ISCA2: variants seen among roughly 807,000 people sequenced by gnomAD.
ISCA2 encodes iron-sulfur cluster assembly 2 homolog, mitochondrial.
ISCA2 carries 21 observed loss-of-function variants against 19.1 expected under a neutral mutation model. The ratio of observed to expected loss-of-function variants is 1.10; its 90% confidence interval spans 0.78 to 1.59. ISCA2 has a LOEUF of 1.59. ISCA2 is among the 40% of genes most tolerant of loss of function. ISCA2 has a pLI of 0.00. For synonymous variants in ISCA2, 107 were observed against 83.8 expected, an observed-to-expected ratio of 1.28 and a Z score of -1.51; for missense variants, 181 against 191.7, an observed-to-expected ratio of 0.94 and a Z score of 0.33.
chr14:74,494,225 C>T, intron 2 of ISCA2, 50 bp from the exon 3 acceptor site: 1 of 1,591,390 alleles, frequency 6.3e-7, no homozygotes, highest in Non-Finnish European at 8.6e-7. Context: ...TTCACTCAGC[C>T]CTTTAACTCC....
Position 74,496,774 on chromosome 14 carries a change from G to C in ISCA2, c.*1774G>C, listed in dbSNP as rs1595232134. On this transcript the variant is annotated 3_prime_UTR_variant, in exon 4 of 4. Transcript: ENST00000556816. ...CAGTCCCTTAGAATGCAGCTTATAT[G>C]TGAGTATCTACTGTTAATGGGAGAA... The C allele has an allele frequency of 6.6e-6, 1 of 152,182 alleles. No homozygotes were observed. The highest frequency in any genetic ancestry group is 1.9e-4 in the East Asian group (1 of 5,202). The allele number at this position is 152,182 out of a possible 1,614,324, so 9.4% of individuals were successfully genotyped here. A position where few individuals can be genotyped will look rare whatever the true frequency, so the allele number is the denominator to read the frequency against.
intron 3 of ISCA2, 24 bp downstream of exon 3, chr14:74,494,414 C>T (rs1434178159): frequency 1.3e-6 from 2 of 1,544,676 alleles, no homozygotes; most frequent in African/African-American, 1.4e-5. Flanking sequence ...GGTGGGCCCC[C>T]AAAGGAGGTA....
intron 3 of ISCA2, 118 bp from the exon 4 acceptor site, chr14:74,494,708 A>C (rs2086826493): frequency 1.2e-6 from 1 of 832,142 alleles, no homozygotes; most frequent in African/African-American, 1.7e-5. Flanking sequence ...GCACCTGTTA[A>C]AGGTAATGGG....
At position 74,493,992 on chromosome 14, in the gene ISCA2, T is replaced by A; in HGVS notation, c.72-58T>A. 2 of 1,496,716 alleles carry A rather than the reference T, an allele frequency of 1.3e-6. No homozygotes were observed. Among genetic ancestry groups the A allele is most frequent in the Non-Finnish European group, 1.8e-6 (2 of 1,106,690 alleles). The allele number at this position is 1,496,716 out of a possible 1,614,324, so 92.7% of individuals were successfully genotyped here. A position where few individuals can be genotyped will look rare whatever the true frequency, so the allele number is the denominator to read the frequency against. On this transcript the variant is annotated intron_variant, in intron 1 of 3. Coordinates refer to ENST00000556816, the MANE Select transcript of ISCA2 (RefSeq NM_194279.4). The surrounding 1 kb of genome is among the most constrained non-coding windows in gnomAD (Gnocchi z 4.1). The stretch of plus-strand genomic sequence containing the variant: ...CAGGTTTAGCGTGAGGCGCTCCAGG[T>A]CGAGGGTTGCAAGGTGCCCCTTCTG...
chr14:74,495,084 C>G lies in ISCA2; in HGVS notation c.*84C>G. The G allele has an allele frequency of 1.0e-6, 1 of 977,160 alleles. No individual in the cohort carries two copies. The highest frequency in any genetic ancestry group is 1.6e-6 in the Non-Finnish European group (1 of 638,332). The allele number at this position is 977,160 out of a possible 1,614,324, so 60.5% of individuals were successfully genotyped here. ...TTAGTAGAATTCTAGAAGTTTACTTCTAATCATGTCCCTCTCAATTTTATT... is the reference window on the plus strand; with the variant it reads ...TTAGTAGAATTCTAGAAGTTTACTTGTAATCATGTCCCTCTCAATTTTATT... On this transcript the variant is annotated 3_prime_UTR_variant, in exon 4 of 4. Coordinates refer to ENST00000556816, the MANE Select transcript of ISCA2 (RefSeq NM_194279.4).
intron 3 of ISCA2, 70 bp from the exon 4 acceptor site, chr14:74,494,756 A>G (rs2086827454): frequency 4.5e-6 from 6 of 1,344,364 alleles, no homozygotes; most frequent in Non-Finnish European, 6.2e-6. Context: ...GAGGATGTGC[A>G]CCTCTGGGCT....
At position 74,494,124 on chromosome 14, in the gene ISCA2, A is replaced by T. The variant is rs1376030154; in HGVS notation, c.146A>T (p.Gln49Leu). The T allele has an allele frequency of 2.5e-6, 4 of 1,583,754 alleles. No homozygotes were observed. The highest frequency in any genetic ancestry group is 3.6e-5 in the Admixed American group (2 of 55,926). ...SSSSPEAGEG[Q>L]IRLTDSCVQR... Reference sequence around the variant, plus strand: ...TCCAGCCCCGAGGCCGGCGAAGGGCAGATCCGCCTCACAGACAGTTGCGTC... The same window carrying T: ...TCCAGCCCCGAGGCCGGCGAAGGGCTGATCCGCCTCACAGACAGTTGCGTC... Residue 49 changes from glutamine (Q) to leucine (L), a missense_variant, in exon 2 of 4, where the codon CAG (glutamine) becomes CTG (leucine). Gln to Leu is a moderately radical substitution (Grantham distance 113). Transcript: ENST00000556816.
At position 74,495,051 on chromosome 14, in the gene ISCA2, A is replaced by G. The variant is rs2086833323; in HGVS notation, c.*51A>G. The G allele has an allele frequency of 7.4e-7, 1 of 1,342,466 alleles. No individual in the cohort carries two copies. The highest frequency in any genetic ancestry group is 1.8e-5 in the Admixed American group (1 of 54,540). The allele number at this position is 1,342,466 out of a possible 1,614,324, so 83.2% of individuals were successfully genotyped here. ...GTCACCAGTTGTACCAATTTGAAGA[A>G]CCTGGAATTAGTAGAATTCTAGAAG... is the stretch of plus-strand genomic sequence containing the variant. On this transcript the variant is annotated 3_prime_UTR_variant, in exon 4 of 4. Coordinates refer to ENST00000556816, the MANE Select transcript of ISCA2 (RefSeq NM_194279.4).
At position 74,493,844 on chromosome 14, in the gene ISCA2, A is replaced by G; in HGVS notation, c.70A>G (p.Arg24Gly). The change falls in exon 1 of 4, where the codon AGG (arginine) becomes GGG (glycine). Residue 24 changes from arginine to glycine, a missense_variant and splice_region_variant. Transcript: ENST00000556816. The surrounding 1 kb of genome is among the most constrained non-coding windows in gnomAD (Gnocchi z 4.1). ...QRAVTPWPRG[R>G]LLTASLGPQA... ...AGCGGTCACTCCCTGGCCGAGGGGC[A>G]GGTACCAAGACTAGAAAGGCACCTG... 5 of 1,559,240 alleles carry G rather than the reference A, an allele frequency of 3.2e-6. No individual in the cohort carries two copies. The highest frequency in any genetic ancestry group is 4.3e-6 in the Non-Finnish European group (5 of 1,151,684).
chr14:74,494,677 A>G, intron 3 of ISCA2, 149 bp from the exon 4 acceptor site: 1 of 670,464 alleles, frequency 1.5e-6, no homozygotes, highest in Non-Finnish European at 2.5e-6. Context: ...CCATTGAATC[A>G]TTTTGCCTCA....
At position 74,494,037 on chromosome 14, in the gene ISCA2, C is replaced by T. The variant is rs964577345; in HGVS notation, c.72-13C>T. 2 of 1,533,602 alleles carry T rather than the reference C, an allele frequency of 1.3e-6. No homozygotes were observed. The highest frequency in any genetic ancestry group is 1.4e-5 in the African/African-American group (1 of 72,896). The allele number at this position is 1,533,602 out of a possible 1,614,324, so 95.0% of individuals were successfully genotyped here. ...CTTCTGCTCCCGGGCTCACCCTCCT[C>T]CCTTGCGCGCAGGCTCCTCACGGCC... On this transcript the variant is annotated splice_polypyrimidine_tract_variant and intron_variant, in intron 1 of 3. Transcript: ENST00000556816.
In ISCA2 at chr14:74,494,382, C is replaced by G. The variant is rs769087481; in HGVS notation, c.282C>G (p.Pro94=). Reference sequence around the variant, plus strand: ...TTTCACTGGATACAGTTATCAACCCCGACGACAGGCAAGGAGGAAGGGGTG... The same window carrying G: ...TTTCACTGGATACAGTTATCAACCCGGACGACAGGCAAGGAGGAAGGGGTG... ...YKFSLDTVIN[P]DDRVFEQGGA... Residue 94 remains proline (P), a synonymous_variant, in exon 3 of 4, where the codon CCC becomes CCG. Transcript: ENST00000556816. The G allele has an allele frequency of 4.3e-6, 7 of 1,612,776 alleles. No homozygotes were observed. The highest frequency in any genetic ancestry group is 5.9e-6 in the Non-Finnish European group (7 of 1,178,870).
At position 74,494,868 on chromosome 14, in the gene ISCA2, T is replaced by A; in HGVS notation, c.333T>A (p.Asp111Glu). The A allele has an allele frequency of 6.2e-7, 1 of 1,614,140 alleles. No homozygotes were observed. Among genetic ancestry groups the A allele is most frequent in the Non-Finnish European group, 8.5e-7 (1 of 1,180,006 alleles). ...QGGARVVVDS[D>E]SLAFVKGAQV... The stretch of plus-strand genomic sequence containing the variant: ...GGGCAAGAGTGGTGGTTGACTCTGA[T>A]AGCTTGGCCTTCGTGAAAGGGGCCC... The change falls in exon 4 of 4, where the codon GAT becomes GAA. Residue 111 changes from aspartate (D) to glutamate (E), a missense_variant. Transcript: ENST00000556816.
In ISCA2 at chr14:74,494,380, C is replaced by G; in HGVS notation, c.280C>G (p.Pro94Ala). 1 of 1,613,118 alleles carries G rather than the reference C, an allele frequency of 6.2e-7. No homozygotes were observed. Among genetic ancestry groups the G allele is most frequent in the Non-Finnish European group, 8.5e-7 (1 of 1,179,048 alleles). The change falls in exon 3 of 4, where the codon CCC (proline) becomes GCC (alanine). Residue 94 changes from proline to alanine, a missense_variant. Transcript: ENST00000556816. ...YKFSLDTVIN[P>A]DDRVFEQGGA... Reference sequence around the variant, plus strand: ...ATTTTCACTGGATACAGTTATCAACCCCGACGACAGGCAAGGAGGAAGGGG... The same window carrying G: ...ATTTTCACTGGATACAGTTATCAACGCCGACGACAGGCAAGGAGGAAGGGG...
At position 74,493,819 on chromosome 14, in the gene ISCA2, AG is replaced by A; in HGVS notation, c.46del (p.Ala16ArgfsTer101). On this transcript the variant is annotated frameshift_variant, in exon 1 of 4. Coordinates refer to ENST00000556816, the MANE Select transcript of ISCA2 (RefSeq NM_194279.4). LOFTEE classifies it high-confidence loss of function. This position sits in a 1 kb window ranked among gnomAD's most constrained non-coding sequence, Gnocchi z 4.1. ...GSSLTAATQR[A>X]VTPWPRGRLL... The stretch of plus-strand genomic sequence containing the variant: ...CGTCCCTAACGGCCGCGACGCAGAG[AG>A]CGGTCACTCCCTGGCCGAGGGGCAG... 1 of 1,546,196 alleles carries A rather than the reference AG, an allele frequency of 6.5e-7. No individual in the cohort carries two copies. The highest frequency in any genetic ancestry group is 8.7e-7 in the Non-Finnish European group (1 of 1,149,158).
chr14:74,493,994 G>A lies in ISCA2; in HGVS notation c.72-56G>A. ...GGTTTAGCGTGAGGCGCTCCAGGTC[G>A]AGGGTTGCAAGGTGCCCCTTCTGCT... is the stretch of plus-strand genomic sequence containing the variant. On this transcript the variant is annotated intron_variant, in intron 1 of 3. Coordinates refer to ENST00000556816, the MANE Select transcript of ISCA2 (RefSeq NM_194279.4). The surrounding 1 kb of genome is among the most constrained non-coding windows in gnomAD (Gnocchi z 4.1). 1 of 1,497,834 alleles carries A rather than the reference G, an allele frequency of 6.7e-7. No individual in the cohort carries two copies. Among genetic ancestry groups the A allele is most frequent in the South Asian group, 1.2e-5 (1 of 83,080 alleles). The allele number at this position is 1,497,834 out of a possible 1,614,324, so 92.8% of individuals were successfully genotyped here. A position where few individuals can be genotyped will look rare whatever the true frequency, so the allele number is the denominator to read the frequency against.
Position 74,495,136 on chromosome 14 carries a change from T to TG in ISCA2, c.*137dup. On this transcript the variant is annotated 3_prime_UTR_variant, in exon 4 of 4. Transcript: ENST00000556816. Reference sequence around the variant, plus strand: ...CCCGCAGTCCAGGAGTGTTATGTTTTGCCACTATTATTTTCAGAATGTGAA... The same window carrying TG: ...CCCGCAGTCCAGGAGTGTTATGTTTTGGCCACTATTATTTTCAGAATGTGAA... 1.5e-6 allele frequency: 1 copy of TG among 678,246 alleles called. No homozygotes were observed. The highest frequency in any genetic ancestry group is 2.4e-6 in the Non-Finnish European group (1 of 409,840). The allele number at this position is 678,246 out of a possible 1,614,324, so 42.0% of individuals were successfully genotyped here. A position where few individuals can be genotyped will look rare whatever the true frequency, so the allele number is the denominator to read the frequency against.
In ISCA2 at chr14:74,496,593, T is replaced by C. The variant is rs1302445926; in HGVS notation, c.*1593T>C. ...AGACTACCTGTCCTTTCATCCTCCT[T>C]AAAAAGATTTTGCTACATTTTAAAC... On this transcript the variant is annotated 3_prime_UTR_variant, in exon 4 of 4. Transcript: ENST00000556816. The C allele has an allele frequency of 6.6e-6, 1 of 152,226 alleles. No individual in the cohort carries two copies. The highest frequency in any genetic ancestry group is 6.5e-5 in the Admixed American group (1 of 15,288). The allele number at this position is 152,226 out of a possible 1,614,324, so 9.4% of individuals were successfully genotyped here. A position where few individuals can be genotyped will look rare whatever the true frequency, so the allele number is the denominator to read the frequency against.
chr14:74,494,487 C>T (rs776308816), intron 3 of ISCA2, 97 bp downstream of exon 3: 59 of 889,212 alleles, frequency 6.6e-5, no homozygotes, highest in Middle Eastern at 2.1e-4. Context: ...AAGGGTTTAC[C>T]TGGGATGGTT....
Sources: gnomAD v4.1 joint callset for allele counts on GRCh38, gnomAD v4.1.1 for gene constraint, Gnocchi (gnomAD v3.1) non-coding constraint, MANE v1.5 for transcripts, NCBI Gene and HGNC (gene_info 2026-07-23, HGNC 2026-07-21) for gene names.